The following SEPTIN9 variants were observed in gnomAD, a reference collection of about 807,000 sequenced individuals.
SEPTIN9 encodes septin 9, also known as septin-9.
A neutral mutation model predicts 56.6 loss-of-function variants in SEPTIN9; 13 were observed. The ratio of observed to expected loss-of-function variants is 0.23; its 90% CI spans 0.15 to 0.37. The LOEUF (loss-of-function observed/expected upper bound fraction) is 0.37. SEPTIN9 is among the 10% of genes least tolerant of loss of function. SEPTIN9 has a pLI of 1.00. For synonymous variants in SEPTIN9, 332 were observed against 334.1 expected (o/e 0.99, Z 0.07); for missense variants, 650 against 823.1 (o/e 0.79, Z 2.57).
At chr17:77,407,478 C>T (rs1254581682) in intron 3 of SEPTIN9, among the ~76,000 whole-genome samples, 1 of 151,882 alleles carries the variant, frequency 6.6e-6, no homozygotes, top group Admixed American at 6.6e-5. Flanking sequence ...CTTTCCTGGT[C>T]AACTTTACCC....
chr17:77,368,749 C>T (rs1386804116), intron 2 of SEPTIN9, among the ~76,000 whole-genome samples: 1 of 152,116 alleles, frequency 6.6e-6, no homozygotes. Context: ...TAAAAAATTA[C>T]TTATAAGTAA....
At chr17:77,341,646 G>A (rs2033728329) in intron 2 of SEPTIN9, among the ~76,000 whole-genome samples, 1 of 151,982 alleles carries the variant, frequency 6.6e-6, no homozygotes, top group African/African-American at 2.4e-5. Flanking sequence ...GTGGTGGCGG[G>A]TGCCTGTAGT....
At chr17:77,376,509 G>A in intron 2 of SEPTIN9, 1 of 602,086 alleles carries the variant, frequency 1.7e-6, no homozygotes, top group Non-Finnish European at 2.1e-6. Flanking sequence ...GTGGGTTGCT[G>A]AGGGGCGGAG....
intron 2 of SEPTIN9, among the ~76,000 whole-genome samples, chr17:77,387,749 C>A (rs531352721): frequency 5.3e-5 from 8 of 152,276 alleles, no homozygotes; most frequent in African/African-American, 1.7e-4. Flanking sequence ...TAAGAGGCGG[C>A]TGTCCCTGCC....
chr17:77,411,784 A>G (rs969522054), intron 3 of SEPTIN9, among the ~76,000 whole-genome samples: 3 of 152,200 alleles, frequency 2.0e-5, no homozygotes, highest in Non-Finnish European at 2.9e-5. Context: ...ATGTGCACAC[A>G]TGACTGAAGG....
chr17:77,362,322 G>A (rs1009496435), intron 2 of SEPTIN9, among the ~76,000 whole-genome samples: 7 of 152,166 alleles, frequency 4.6e-5, no homozygotes, highest in Admixed American at 1.3e-4. Flanking sequence ...CAGAGTAGCC[G>A]TGGCCCTGTC....
At chr17:77,287,233 C>T (rs553088939) in intron 1 of SEPTIN9, among the ~76,000 whole-genome samples, 1 of 152,216 alleles carries the variant, frequency 6.6e-6, no homozygotes, top group Non-Finnish European at 1.5e-5. Flanking sequence ...GCATGGGGAT[C>T]GTGTGTCACC....
At chr17:77,431,931 A>C (rs1390297497) in intron 3 of SEPTIN9, among the ~76,000 whole-genome samples, 2 of 151,574 alleles carry the variant, frequency 1.3e-5, no homozygotes, top group Non-Finnish European at 2.9e-5. Flanking sequence ...TAAAAGGATG[A>C]GGCCAAATAG....
At chr17:77,393,578 A>ATTTT (rs1356595639) in intron 2 of SEPTIN9, among the ~76,000 whole-genome samples, 1 of 148,992 alleles carries the variant, frequency 6.7e-6, no homozygotes, top group African/African-American at 2.6e-5. Flanking sequence ...AGGGAATCTT[A>ATTTT]TTTTTTATTT....
At chr17:77,380,779 C>T (rs2035115178) in intron 2 of SEPTIN9, among the ~76,000 whole-genome samples, 1 of 152,206 alleles carries the variant, frequency 6.6e-6, no homozygotes, top group Non-Finnish European at 1.5e-5. Context: ...TACCCCACAT[C>T]CCCCTGTCTG....
chr17:77,367,290 G>C lies in SEPTIN9; in HGVS notation c.77-34769G>C, dbSNP rs545478835. On this transcript the variant is annotated intron_variant, in intron 2 of 11. Transcript: ENST00000427177. This position sits in a 1 kb window ranked among gnomAD's most constrained non-coding sequence, Gnocchi z 4.5. ...TGTGATCCTGGGCATGTCGAGGCTGGAGCAGGTCTGCTTGGTGGCTGGCAG... is the reference window on the plus strand; with the variant it reads ...TGTGATCCTGGGCATGTCGAGGCTGCAGCAGGTCTGCTTGGTGGCTGGCAG... 5.9e-5 allele frequency among the ~76,000 whole-genome samples: 9 copies of C among 152,190 alleles called. No homozygotes were observed. The highest frequency in any genetic ancestry group is 2.2e-4 in the African/African-American group (9 of 41,434).
chr17:77,429,786 G>A lies in SEPTIN9; in HGVS notation c.721+27083G>A, dbSNP rs1454994718. Among the ~76,000 whole-genome samples, 3 of 152,120 alleles carry A rather than the reference G, an allele frequency of 2.0e-5. No homozygotes were observed. The highest frequency in any genetic ancestry group is 4.8e-5 in the African/African-American group (2 of 41,428). ...CTTAGAGACCTCAGAGCTGAGACTC[G>A]GGACCACAGAGGGGTGGGCTGTGCT... On this transcript the variant is annotated intron_variant, in intron 3 of 11. Coordinates refer to ENST00000427177, the MANE Select transcript of SEPTIN9 (RefSeq NM_001113491.2). The surrounding 1 kb of genome is among the most constrained non-coding windows in gnomAD (Gnocchi z 5.2).
chr17:77,494,535 G>A (rs2040170586), intron 10 of SEPTIN9, among the ~76,000 whole-genome samples: 1 of 152,174 alleles, frequency 6.6e-6, no homozygotes, highest in Non-Finnish European at 1.5e-5. Context: ...AGTGAGTTGA[G>A]AGACTGTCCC....
intron 7 of SEPTIN9, among the ~76,000 whole-genome samples, chr17:77,490,517 G>A (rs1354170339): frequency 1.3e-5 from 2 of 152,168 alleles, no homozygotes. Context: ...GCCCTGGCCC[G>A]CCTGGCCTGT....
rs115448100 is a variant in SEPTIN9, at chr17:77,351,830, C to A, written c.76+44633C>A. Among the ~76,000 whole-genome samples, 1,116 of 152,348 alleles carry A rather than the reference C, an allele frequency of 7.3e-3. 18 individuals are homozygous for A. Among genetic ancestry groups the A allele is most frequent in the African/African-American group, 0.026 (1,073 of 41,586 alleles). ...AGGTGCAGAGAAGGGAACTGAGCTG[C>A]CAAGTGTGAACAGGAGAGAGGAGCC... is the stretch of plus-strand genomic sequence containing the variant. On this transcript the variant is annotated intron_variant, in intron 2 of 11. Coordinates refer to ENST00000427177, the MANE Select transcript of SEPTIN9 (RefSeq NM_001113491.2).
chr17:77,336,252 T>C (rs2033550827), intron 2 of SEPTIN9, among the ~76,000 whole-genome samples: 1 of 152,164 alleles, frequency 6.6e-6, no homozygotes, highest in South Asian at 2.1e-4. Flanking sequence ...AAGAAGTAGC[T>C]TGTTGATGTC....
chr17:77,404,298 G>A (rs1272202192), intron 3 of SEPTIN9, among the ~76,000 whole-genome samples: 3 of 152,158 alleles, frequency 2.0e-5, no homozygotes, highest in Non-Finnish European at 4.4e-5. Flanking sequence ...AGGCTGGCGT[G>A]CAGTGGTGTG....
At chr17:77,339,927 G>C (rs2033675428) in intron 2 of SEPTIN9, among the ~76,000 whole-genome samples, 2 of 152,060 alleles carry the variant, frequency 1.3e-5, no homozygotes, top group African/African-American at 4.8e-5. Flanking sequence ...CCAGGTTCAA[G>C]TGATTCTCCT....
chr17:77,294,095 C>T (rs889841687), intron 1 of SEPTIN9, among the ~76,000 whole-genome samples: 1 of 136,442 alleles, frequency 7.3e-6, no homozygotes, highest in Admixed American at 7.9e-5. Flanking sequence ...GAGAGTGAGA[C>T]CATGTCTCAA....
Sources: allele counts gnomAD v4.1 joint callset (sites outside exome capture counted in the v4.1 genomes callset), GRCh38; gene constraint gnomAD v4.1.1; non-coding constraint Gnocchi (gnomAD v3.1); transcripts MANE v1.5; gene names NCBI Gene and HGNC (gene_info 2026-07-23, HGNC 2026-07-21).